The following PTPRD variants were observed in gnomAD, a reference collection of about 807,000 sequenced individuals.
PTPRD encodes the protein protein tyrosine phosphatase receptor type D.
In PTPRD, 34 loss-of-function variants were observed where a neutral mutation model predicts 214.5. The observed-to-expected ratio is 0.16, with a 90% CI of 0.12 to 0.21. The LOEUF is 0.21. PTPRD is among the 10% of genes least tolerant of loss of function. The probability of loss-of-function intolerance (pLI) is 1.00; values close to 1 mark genes in which losing one functional copy is unlikely to be tolerated. For synonymous variants in PTPRD, 1,128 were observed against 845.7 expected (o/e 1.33, Z -5.79); for missense variants, 2,545 against 2,398.7 (o/e 1.06, Z -1.27).
chr9:10,573,648 G>A (rs1180968891), intron 2 of PTPRD, among the ~76,000 whole-genome samples: 1 of 152,142 alleles, frequency 6.6e-6, no homozygotes, highest in East Asian at 1.9e-4. Context: ...AGGAAGCTGG[G>A]AATCCTGCAC....
chr9:10,402,404 G>T (rs2098283822), intron 2 of PTPRD, among the ~76,000 whole-genome samples: 1 of 151,548 alleles, frequency 6.6e-6, no homozygotes, highest in Admixed American at 6.6e-5. Flanking sequence ...TAATGCATTT[G>T]GAAATATGTT....
At chr9:9,080,910 A>G (rs1339492439) in intron 10 of PTPRD, among the ~76,000 whole-genome samples, 1 of 151,748 alleles carries the variant, frequency 6.6e-6, no homozygotes, top group African/African-American at 2.4e-5. Flanking sequence ...TCATCTGGCT[A>G]GCGGTCTATT....
intron 8 of PTPRD, among the ~76,000 whole-genome samples, chr9:9,500,865 G>T (rs528907849): frequency 6.6e-6 from 1 of 152,084 alleles, no homozygotes; most frequent in African/African-American, 2.4e-5. Context: ...CACAACGGAT[G>T]ATTCTAAATG....
chr9:10,166,110 T>G (rs2099157441), intron 3 of PTPRD, among the ~76,000 whole-genome samples: 1 of 150,498 alleles, frequency 6.6e-6, no homozygotes, highest in African/African-American at 2.4e-5. Context: ...TTAAAATATA[T>G]GTACATATAT....
chr9:10,208,470 C>A (rs1240568925), intron 3 of PTPRD, among the ~76,000 whole-genome samples: 11 of 152,154 alleles, frequency 7.2e-5, no homozygotes, highest in South Asian at 2.1e-4. Context: ...ACGGAGATCG[C>A]GCCACTGCAC....
At chr9:9,943,373 T>C (rs2091971657) in intron 4 of PTPRD, among the ~76,000 whole-genome samples, 1 of 152,146 alleles carries the variant, frequency 6.6e-6, no homozygotes, top group Non-Finnish European at 1.5e-5. Context: ...GAATTTTTAG[T>C]ATTCAATGTA....
At chr9:9,045,788 G>GA (rs968726322) in intron 10 of PTPRD, among the ~76,000 whole-genome samples, 1 of 151,740 alleles carries the variant, frequency 6.6e-6, no homozygotes, top group African/African-American at 2.4e-5. Flanking sequence ...TGTTAAGGAG[G>GA]AAAAAAAAGT....
chr9:8,817,435 T>C (rs2096942939), intron 11 of PTPRD, among the ~76,000 whole-genome samples: 1 of 152,190 alleles, frequency 6.6e-6, no homozygotes, highest in African/African-American at 2.4e-5. Context: ...GACAACATAG[T>C]GACACCCTGT....
At chr9:9,289,018 A>G (rs1178876418) in intron 9 of PTPRD, among the ~76,000 whole-genome samples, 1 of 151,862 alleles carries the variant, frequency 6.6e-6, no homozygotes, top group Non-Finnish European at 1.5e-5. Flanking sequence ...TCTTTTCTTT[A>G]TAAATTATCC....
At chr9:8,957,775 T>TA (rs1216305390) in intron 11 of PTPRD, among the ~76,000 whole-genome samples, 10 of 151,864 alleles carry the variant, frequency 6.6e-5, no homozygotes, top group Non-Finnish European at 1.0e-4. Context: ...CATGATCTCA[T>TA]ATCTTAGTGG....
chr9:9,657,235 A>G (rs1007202880), intron 7 of PTPRD, among the ~76,000 whole-genome samples: 1 of 152,176 alleles, frequency 6.6e-6, no homozygotes, highest in African/African-American at 2.4e-5. Flanking sequence ...GAGACAAATT[A>G]TCTATGGTTT....
intron 7 of PTPRD, among the ~76,000 whole-genome samples, chr9:9,679,678 C>T (rs1239472870): frequency 6.6e-6 from 1 of 151,768 alleles, no homozygotes; most frequent in African/African-American, 2.4e-5. Flanking sequence ...CTAGATTCTC[C>T]AACTTGTTAG....
chr9:9,931,384 C>A (rs934143256), intron 5 of PTPRD, among the ~76,000 whole-genome samples: 1 of 152,086 alleles, frequency 6.6e-6, no homozygotes, highest in Non-Finnish European at 1.5e-5. Flanking sequence ...GTGCGTGAGC[C>A]GAAGCAGGGC....
chr9:10,455,628 C>A (rs551579754), intron 2 of PTPRD, among the ~76,000 whole-genome samples: 14 of 151,838 alleles, frequency 9.2e-5, no homozygotes, highest in African/African-American at 2.6e-4. Flanking sequence ...TTGTCTCTCC[C>A]ATTCGTCACC....
intron 5 of PTPRD, among the ~76,000 whole-genome samples, chr9:9,833,506 G>C (rs555224330): frequency 6.6e-6 from 1 of 151,516 alleles, no homozygotes; most frequent in Admixed American, 6.6e-5. Context: ...ATGAAGTTTC[G>C]GGCACCATTG....
chr9:9,594,144 G>T (rs2093044228), intron 7 of PTPRD, among the ~76,000 whole-genome samples: 1 of 151,964 alleles, frequency 6.6e-6, no homozygotes, highest in Admixed American at 6.6e-5. Flanking sequence ...TAATCTAGAA[G>T]TTATTTAAAA....
chr9:9,826,977 C>T lies in PTPRD; in HGVS notation c.-367-60126G>A, dbSNP rs542388441. ...TGAAGGACCTCTTCAAGGAGAACTA[C>T]AAATCACTGCTCAATGAAATAAATG... On this transcript the variant is annotated intron_variant, in intron 5 of 45. Transcript: ENST00000381196. 9.9e-5 allele frequency among the ~76,000 whole-genome samples: 15 copies of T among 152,126 alleles called. No individual in the cohort carries two copies. The East Asian group carries it at 2.7e-3, about 28-fold the overall frequency.
At chr9:10,025,045 G>C (rs1387144973) in intron 4 of PTPRD, among the ~76,000 whole-genome samples, 3 of 151,682 alleles carry the variant, frequency 2.0e-5, no homozygotes, top group Admixed American at 1.3e-4. Flanking sequence ...GGACATTTGG[G>C]TTGGTTCCAA....
Position 8,767,315 on chromosome 9 carries a change from C to T in PTPRD, c.-103-33369G>A, listed in dbSNP as rs569275275. 2.0e-4 allele frequency among the ~76,000 whole-genome samples: 31 copies of T among 152,106 alleles called. 1 individual carries two copies. In the East Asian group the frequency reaches 6.0e-3, roughly 30 times the overall value. On this transcript the variant is annotated intron_variant, in intron 11 of 45. Coordinates refer to ENST00000381196, the MANE Select transcript of PTPRD (RefSeq NM_002839.4). ...GTATTTTTAGTAGAGATGGGGTTCA[C>T]CATGTTGGCCAGGCTGGTCTCGAAC...
Sources: allele counts gnomAD v4.1 joint callset (sites outside exome capture counted in the v4.1 genomes callset), GRCh38; gene constraint gnomAD v4.1.1; transcripts MANE v1.5; gene names NCBI Gene and HGNC (gene_info 2026-07-23, HGNC 2026-07-21).